Variants in FBP1 observed in about 807,000 individuals in gnomAD.
The protein encoded by FBP1 is fructose-bisphosphatase 1.
FBP1 carries 22 observed loss-of-function variants against 29.9 expected under a neutral mutation model. The ratio of observed to expected loss-of-function variants is 0.74; its 90% CI spans 0.53 to 1.05. FBP1 has a LOEUF of 1.05. Among genes scored for constraint, FBP1 ranks in the 50% least tolerant of loss-of-function variants. The pLI, the probability that FBP1 is intolerant of heterozygous loss-of-function variation, is 0.00. For synonymous variants in FBP1, 175 were observed against 178.6 expected, an observed-to-expected ratio of 0.98 and a Z score of 0.16; for missense variants, 345 against 448.2, an observed-to-expected ratio of 0.77 and a Z score of 2.08.
chr9:94,633,598 C>T (rs1188188805), intron 1 of FBP1, among the ~76,000 whole-genome samples: 1 of 152,230 alleles, frequency 6.6e-6, no homozygotes, highest in Non-Finnish European at 1.5e-5. Flanking sequence ...GACCTCCAGC[C>T]TGAACTGCGG....
chr9:94,629,395 A>C (rs897133620), intron 1 of FBP1, among the ~76,000 whole-genome samples: 3 of 152,164 alleles, frequency 2.0e-5, no homozygotes, highest in South Asian at 2.1e-4. Context: ...GCGCTTCTGG[A>C]AATAAAACCA....
intron 4 of FBP1, among the ~76,000 whole-genome samples, chr9:94,609,276 T>TA (rs1827748119): frequency 6.6e-6 from 1 of 152,138 alleles, no homozygotes; most frequent in Admixed American, 6.5e-5. Context: ...GAGCTATTTT[T>TA]GAAGAAGCAA....
intron 1 of FBP1, among the ~76,000 whole-genome samples, chr9:94,629,199 G>A (rs1437675039): frequency 1.3e-5 from 2 of 151,768 alleles, no homozygotes; most frequent in Non-Finnish European, 2.9e-5. Flanking sequence ...CCAGGCTGGT[G>A]TCGAACTCCT....
At chr9:94,635,973 A>G (rs903275020) in intron 1 of FBP1, among the ~76,000 whole-genome samples, 14 of 152,230 alleles carry the variant, frequency 9.2e-5, no homozygotes, top group Non-Finnish European at 1.9e-4. Flanking sequence ...TATTATAGGC[A>G]TATGTAAATA....
rs753576993 is a variant in FBP1 at position 94,628,900 on chromosome 9, G to A, written c.171-8409C>T. Among the ~76,000 whole-genome samples, 11 of 152,260 alleles carry A rather than the reference G, an allele frequency of 7.2e-5. No individual in the cohort carries two copies. In the South Asian group the frequency reaches 1.5e-3, roughly 20 times the overall value. ...CTATATTTAAATACTTTAAAATCTC[G>A]TTCTATGTTGTATCAAGTTTATAAA... On this transcript the variant is annotated intron_variant, in intron 1 of 6. Transcript: ENST00000375326.
At chr9:94,605,424 GC>G in intron 6 of FBP1, 32 bp downstream of exon 6, 1 of 1,609,680 alleles carries the variant, frequency 6.2e-7, no homozygotes, top group Non-Finnish European at 8.5e-7. Flanking sequence ...AGTGAAATCT[GC>G]TCCTCACTCC....
At chr9:94,626,831 T>C (rs1192604632) in intron 1 of FBP1, among the ~76,000 whole-genome samples, 2 of 152,148 alleles carry the variant, frequency 1.3e-5, no homozygotes, top group African/African-American at 4.8e-5. Flanking sequence ...GGCAGGCGGA[T>C]TACCTGAGGT....
At chr9:94,615,052 G>A (rs1239396088) in intron 3 of FBP1, among the ~76,000 whole-genome samples, 1 of 152,092 alleles carries the variant, frequency 6.6e-6, no homozygotes, top group East Asian at 1.9e-4. Context: ...GGGACTACAG[G>A]GGCCTGCCAC....
At chr9:94,611,256 C>T (rs1827780662) in intron 3 of FBP1, among the ~76,000 whole-genome samples, 1 of 152,168 alleles carries the variant, frequency 6.6e-6, no homozygotes. Context: ...TTGAATTAAG[C>T]AGAAATAAAA....
rs550988373 is a variant in FBP1 at position 94,630,494 on chromosome 9, A to G, written c.170+8647T>C. Among the ~76,000 whole-genome samples the G allele has an allele frequency of 3.9e-5, 6 of 152,316 alleles. No individual in the cohort carries two copies. In the South Asian group the frequency reaches 8.3e-4, roughly 21 times the overall value. On this transcript the variant is annotated intron_variant, in intron 1 of 6. Coordinates refer to ENST00000375326, the MANE Select transcript of FBP1 (RefSeq NM_000507.4). ...GGCACTCTACACCACCAGGGTTCCA[A>G]TCCCAGCTCTGCTCCATGCTCAGCA...
rs12000612 is a variant in FBP1, at chr9:94,626,387, T to A, written c.171-5896A>T. 3.3e-5 allele frequency among the ~76,000 whole-genome samples: 5 copies of A among 152,138 alleles called. No homozygotes were observed. The East Asian group carries it at 9.6e-4, about 29-fold the overall frequency. The stretch of plus-strand genomic sequence containing the variant: ...GCTGCCAGCCAACTATGCTGCCATG[T>A]TGATAGCAACAATGTCCAGGTGTCC... On this transcript the variant is annotated intron_variant, in intron 1 of 6. Coordinates refer to ENST00000375326, the MANE Select transcript of FBP1 (RefSeq NM_000507.4).
At chr9:94,607,340 G>C (rs1267177386) in intron 4 of FBP1, among the ~76,000 whole-genome samples, 1 of 152,184 alleles carries the variant, frequency 6.6e-6, no homozygotes, top group Non-Finnish European at 1.5e-5. Context: ...AAAAGGGTTG[G>C]TTCAGGCGGG....
chr9:94,623,765 G>A (rs748031984), intron 1 of FBP1, among the ~76,000 whole-genome samples: 46 of 152,210 alleles, frequency 3.0e-4, no homozygotes, highest in South Asian at 6.2e-4. Flanking sequence ...TGTGCACGGG[G>A]AACCGTTCTA....
At chr9:94,632,488 T>C (rs1479818403) in intron 1 of FBP1, among the ~76,000 whole-genome samples, 3 of 152,010 alleles carry the variant, frequency 2.0e-5, no homozygotes, top group Non-Finnish European at 2.9e-5. Context: ...GCCAACATAG[T>C]GAAACCCCGT....
At chr9:94,638,480 G>A (rs922384699) in intron 1 of FBP1, among the ~76,000 whole-genome samples, 5 of 152,218 alleles carry the variant, frequency 3.3e-5, no homozygotes, top group African/African-American at 1.2e-4. Context: ...CAAATCGATA[G>A]GGGTTTTGAA....
chr9:94,615,934 T>G (rs1827855796), intron 3 of FBP1, among the ~76,000 whole-genome samples: 1 of 151,928 alleles, frequency 6.6e-6, no homozygotes, highest in Non-Finnish European at 1.5e-5. Context: ...TTCATGCCAT[T>G]CTCCTGCCTC....
At chr9:94,628,307 ACCC>A (rs1828053459) in intron 1 of FBP1, among the ~76,000 whole-genome samples, 1 of 150,596 alleles carries the variant, frequency 6.6e-6, no homozygotes, top group East Asian at 2.0e-4. Flanking sequence ...AATTGCTTGA[ACCC>A]AGGAGGCAAA....
chr9:94,639,464 G>T lies in FBP1; in HGVS notation c.-154C>A. 1 of 823,804 alleles carries T rather than the reference G, an allele frequency of 1.2e-6. No individual in the cohort carries two copies. The highest frequency in any genetic ancestry group is 1.5e-5 in the South Asian group (1 of 65,234). The allele number at this position is 823,804 out of a possible 1,614,324, so 51.0% of individuals were successfully genotyped here. ...GGCCGCGGGACCTGGCGGGAGGACT[G>T]ACAGACCGACTGCCGCCCCGAGTGT... On this transcript the variant is annotated 5_prime_UTR_variant, in exon 1 of 7. Coordinates refer to ENST00000375326, the MANE Select transcript of FBP1 (RefSeq NM_000507.4).
At chr9:94,617,911 C>T (rs768298984) in intron 2 of FBP1, 51 bp from the exon 3 acceptor site, 1 of 1,367,462 alleles carries the variant, frequency 7.3e-7, no homozygotes, top group Admixed American at 1.7e-5. Flanking sequence ...GCAAGATACA[C>T]TAAAGGAGTA....
Sources: allele counts gnomAD v4.1 joint callset (sites outside exome capture counted in the v4.1 genomes callset), GRCh38; gene constraint gnomAD v4.1.1; transcripts MANE v1.5; gene names NCBI Gene and HGNC (gene_info 2026-07-23, HGNC 2026-07-21).